Variants in MGAM observed in about 807,000 individuals in gnomAD.
MGAM encodes the protein maltase-glucoamylase, also known as alpha-1,4-glucosidase.
MGAM carries 253 observed loss-of-function variants against 358.8 expected under a neutral mutation model. The observed-to-expected ratio is 0.71, with a 90% CI of 0.64 to 0.78. The LOEUF is 0.78. MGAM is among the 30% of genes least tolerant of loss of function. MGAM has a pLI of 0.00. For synonymous variants in MGAM, 1,105 were observed against 1,227.1 expected (o/e 0.90, Z 2.08); for missense variants, 3,080 against 3,432.6 (o/e 0.90, Z 2.57).
chr7:142,009,110 C>G (rs1035644767), intron 3 of MGAM, among the ~76,000 whole-genome samples: 5 of 152,136 alleles, frequency 3.3e-5, no homozygotes, highest in Admixed American at 6.6e-5. Context: ...GTATGTCTCT[C>G]CTCCTTTCAG....
chr7:142,066,710 T>A lies in MGAM; in HGVS notation c.4908T>A (p.Pro1636=). Residue 1636 remains proline, a synonymous_variant, in exon 41 of 71, where the codon CCT becomes CCA. Transcript: ENST00000475668. ...AHTEGVTVVR[P]LLHEFVSDQV... is the part of the protein sequence containing the mutation. ...CGGAGGGCGTCACTGTTGTGCGGCC[T>A]CTGCTCCATGAGTGAGTGTCCAGCA... 1 of 1,555,294 alleles carries A rather than the reference T, an allele frequency of 6.4e-7. No individual in the cohort carries two copies. Among genetic ancestry groups the A allele is most frequent in the South Asian group, 1.1e-5 (1 of 88,974 alleles).
chr7:142,019,035 ACT>A (rs1385979811), intron 3 of MGAM, among the ~76,000 whole-genome samples, 162 bp from the exon 4 acceptor site: 8 of 152,012 alleles, frequency 5.3e-5, no homozygotes, highest in African/African-American at 1.9e-4. Context: ...GTGGGTAGAA[ACT>A]CTGCCATTGC....
chr7:142,047,174 C>T (rs1174847735), intron 21 of MGAM, among the ~76,000 whole-genome samples: 1 of 152,074 alleles, frequency 6.6e-6, no homozygotes, highest in African/African-American at 2.4e-5. Flanking sequence ...TCTCTCTTCT[C>T]CCCCTCTTCC....
At chr7:141,998,344 C>T (rs1554449477) in intron 1 of MGAM, among the ~76,000 whole-genome samples, 1 of 151,980 alleles carries the variant, frequency 6.6e-6, no homozygotes, top group Non-Finnish European at 1.5e-5. Flanking sequence ...ACCTGTCAAC[C>T]CATCATCTAG....
rs1814190405 is a variant in MGAM at position 142,080,813 on chromosome 7, G to A, written c.5870G>A (p.Arg1957Gln). The A allele has an allele frequency of 5.8e-6, 9 of 1,555,024 alleles. 2 individuals are homozygous for A. The highest frequency in any genetic ancestry group is 2.3e-5 in the East Asian group (1 of 43,904). ...QFKIYDPNNNRYEVPVPLNIP... is the reference protein window; with the variant it reads ...QFKIYDPNNNQYEVPVPLNIP... ...TAGATTTATGATCCCAACAACAATC[G>A]GTATGAAGTTCCAGTCCCTCTGAAC... The change falls in exon 50 of 71, where the codon CGG (arginine) becomes CAG (glutamine). Residue 1957 changes from arginine to glutamine, a missense_variant. By Grantham distance (43) the Arg-to-Gln change is conservative (BLOSUM62 1). Around this residue, in one of 5 missense-constraint regions of MGAM, gnomAD observed 932 missense variants for 1,198.2 expected, o/e 0.78. Coordinates refer to ENST00000475668, the MANE Select transcript of MGAM (RefSeq NM_001365693.1).
At chr7:141,986,705 A>G (rs547834581) in intron 2 of MGAM, among the ~76,000 whole-genome samples, 196 of 152,298 alleles carry the variant, frequency 1.3e-3, no homozygotes, top group African/African-American at 4.2e-3. Flanking sequence ...TTTGCATACT[A>G]TTATATTATA....
rs747191929 is a variant in MGAM at position 142,084,648 on chromosome 7, C to T, written c.6507+4C>T. ...GGTGGCTGCCCAGATCCCTTATGTACGTTCTCAGTCATGGCTCTGGAGTTT... is the reference window on the plus strand; with the variant it reads ...GGTGGCTGCCCAGATCCCTTATGTATGTTCTCAGTCATGGCTCTGGAGTTT... On this transcript the variant is annotated splice_donor_region_variant and intron_variant, in intron 54 of 70. Coordinates refer to ENST00000475668, the MANE Select transcript of MGAM (RefSeq NM_001365693.1). 99 of 1,554,616 alleles carry T rather than the reference C, an allele frequency of 6.4e-5. 14 individuals are homozygous for T. Among genetic ancestry groups the T allele is most frequent in the Middle Eastern group, 1.7e-4 (1 of 5,972 alleles).
intron 45 of MGAM, among the ~76,000 whole-genome samples, chr7:142,075,786 A>G (rs1813685122): frequency 6.9e-6 from 1 of 145,878 alleles, no homozygotes; most frequent in African/African-American, 2.4e-5. Context: ...AAAGGAGAGA[A>G]GTGCTGGTGA....
chr7:141,994,373 G>T (rs930235505), upstream of MGAM, among the ~76,000 whole-genome samples: 39 of 152,168 alleles, frequency 2.6e-4, no homozygotes, highest in African/African-American at 8.9e-4. Context: ...GCTAAGGTTT[G>T]TAAAGGGTAC....
At chr7:142,053,328 A>C (rs956918837) in intron 26 of MGAM, among the ~76,000 whole-genome samples, 3 of 152,046 alleles carry the variant, frequency 2.0e-5, no homozygotes, top group Non-Finnish European at 2.9e-5. Context: ...AGGTTGAGAA[A>C]GTTGGGTTAC....
At position 141,988,014 on chromosome 7, in the gene MGAM, G is replaced by A. The variant is rs565718648; in HGVS notation, c.-2-17515G>A. Reference sequence around the variant, plus strand: ...AGATTAAAGTACTCCGAGGCTGGGCGTGGTGGCTCATGCCTTTAATTTCAG... The same window carrying A: ...AGATTAAAGTACTCCGAGGCTGGGCATGGTGGCTCATGCCTTTAATTTCAG... On this transcript the variant is annotated intron_variant, in intron 2 of 5. Transcript: ENST00000465654. Among the ~76,000 whole-genome samples, 11 of 152,270 alleles carry A rather than the reference G, an allele frequency of 7.2e-5. 1 individual carries two copies. Among genetic ancestry groups the A allele is most frequent in the African/African-American group, 1.7e-4 (7 of 41,562 alleles).
At position 142,060,442 on chromosome 7, in the gene MGAM, T is replaced by C. The variant is rs1812049005; in HGVS notation, c.4122+69T>C. 3.0e-5 allele frequency: 47 copies of C among 1,543,212 alleles called. 2 individuals carry two copies. The South Asian group carries it at 5.2e-4, about 17-fold the overall frequency. On this transcript the variant is annotated intron_variant, in intron 34 of 70. Transcript: ENST00000475668. ...GCAGGGGCAGCTGTTCCTGGGATTGTGGACATGCCTGTACCGTGGACATGG... is the reference window on the plus strand; with the variant it reads ...GCAGGGGCAGCTGTTCCTGGGATTGCGGACATGCCTGTACCGTGGACATGG...
In MGAM at chr7:142,058,286, C is replaced by T. The variant is rs868560873; in HGVS notation, c.3777C>T (p.Ile1259=). Residue 1259 remains isoleucine (I), a synonymous_variant, in exon 31 of 71, where the codon ATC becomes ATT. Coordinates refer to ENST00000475668, the MANE Select transcript of MGAM (RefSeq NM_001365693.1). ...CRYGYQNDSE[I]ASLYDEMVAA... ...ATGGCTACCAGAATGACTCTGAGAT[C>T]GCCAGCTTGTATGATGAGATGGTGG... 6.2e-6 allele frequency: 10 copies of T among 1,613,752 alleles called. No individual in the cohort carries two copies. The highest frequency in any genetic ancestry group is 2.2e-5 in the East Asian group (1 of 44,900).
chr7:142,091,485 C>T (rs553425544), intron 57 of MGAM, among the ~76,000 whole-genome samples: 6 of 145,996 alleles, frequency 4.1e-5, no homozygotes, highest in Admixed American at 6.9e-5. Flanking sequence ...CCTCCCCTCT[C>T]GCAGTGGGAA....
At chr7:142,047,111 T>C (rs1311964053) in intron 21 of MGAM, among the ~76,000 whole-genome samples, 6 of 152,198 alleles carry the variant, frequency 3.9e-5, no homozygotes, top group Middle Eastern at 3.4e-3. Context: ...AGCAGGAAAC[T>C]GGGAGGTTGC....
chr7:142,041,054 C>G (rs1808482136), intron 21 of MGAM, among the ~76,000 whole-genome samples: 1 of 152,144 alleles, frequency 6.6e-6, no homozygotes, highest in Admixed American at 6.6e-5. Context: ...GCCTTGGCCA[C>G]ACTGCATCCA....
chr7:142,097,633 G>A lies in MGAM; in HGVS notation c.7733G>A (p.Trp2578Ter). 6.2e-7 allele frequency: 1 copy of A among 1,610,680 alleles called. No individual in the cohort carries two copies. Among genetic ancestry groups the A allele is most frequent in the Non-Finnish European group, 8.5e-7 (1 of 1,177,322 alleles). Residue 2578 changes from tryptophan to a stop codon, truncating the protein, a stop_gained, in exon 66 of 71, where the codon TGG becomes TAG. Coordinates refer to ENST00000475668, the MANE Select transcript of MGAM (RefSeq NM_001365693.1). LOFTEE classifies it high-confidence loss of function. ...NVTAYFPRAR[W>*]YDYYTGVDIN... ...ACTGCATATTTCCCTAGAGCCCGCT[G>A]GTATGATTACTACACGGTAAGTTTT...
chr7:142,022,979 T>C (rs1806603720), intron 7 of MGAM, among the ~76,000 whole-genome samples: 1 of 152,192 alleles, frequency 6.6e-6, no homozygotes, highest in East Asian at 1.9e-4. Context: ...TATTTCCACT[T>C]TGTTTTGACT....
At chr7:142,102,277 A>G (rs529132370) in intron 68 of MGAM, among the ~76,000 whole-genome samples, 1 of 152,296 alleles carries the variant, frequency 6.6e-6, no homozygotes, top group African/African-American at 2.4e-5. Flanking sequence ...AAACCTGGAA[A>G]TTCTGAGCTG....
Sources: allele counts gnomAD v4.1 joint callset (sites outside exome capture counted in the v4.1 genomes callset), GRCh38; gene constraint gnomAD v4.1.1; regional missense constraint gnomAD v4.1.1; transcripts MANE v1.5; gene names NCBI Gene and HGNC (gene_info 2026-07-23, HGNC 2026-07-21).